Variants in WWC1 observed in about 807,000 individuals in gnomAD.
WWC1 encodes protein KIBRA.
In WWC1, 55 loss-of-function variants were observed where a neutral mutation model predicts 138.4. The ratio of observed to expected loss-of-function variants is 0.40; its 90% CI spans 0.32 to 0.50. WWC1 has a LOEUF of 0.50. WWC1 is among the 20% of genes least tolerant of loss of function. The pLI, the probability that WWC1 is intolerant of heterozygous loss-of-function variation, is 0.72. For synonymous variants in WWC1, 524 were observed against 564.9 expected (o/e 0.93, Z 1.03); for missense variants, 1,226 against 1,420.4 (o/e 0.86, Z 2.20).
chr5:168,448,118 C>T (rs1317233852), intron 17 of WWC1, among the ~76,000 whole-genome samples: 4 of 152,162 alleles, frequency 2.6e-5, no homozygotes, highest in Non-Finnish European at 5.9e-5. Flanking sequence ...TTCCCCCAGA[C>T]GCTGTCTTAC....
At position 168,430,142 on chromosome 5, in the gene WWC1, A is replaced by G; in HGVS notation, c.2006A>G (p.Asp669Gly). Residue 669 changes from aspartate to glycine, a missense_variant, in exon 14 of 23, where the codon GAT becomes GGT. This residue lies in a region of WWC1 where 1,016 missense variants were observed against 1,153.9 expected (regional missense o/e 0.88). Coordinates refer to ENST00000265293, the MANE Select transcript of WWC1 (RefSeq NM_015238.3). ...ATRIQIALKY[D>G]EKNKQFAILI... ...TATGCCCCTTTTCATTTCAGGTATGATGAGAAGAATAAGCAATTTGCAATA... is the reference window on the plus strand; with the variant it reads ...TATGCCCCTTTTCATTTCAGGTATGGTGAGAAGAATAAGCAATTTGCAATA... 6.2e-7 allele frequency: 1 copy of G among 1,613,300 alleles called. No homozygotes were observed. Among genetic ancestry groups the G allele is most frequent in the Non-Finnish European group, 8.5e-7 (1 of 1,179,314 alleles).
At chr5:168,378,284 G>C (rs982797392) in intron 2 of WWC1, among the ~76,000 whole-genome samples, 2 of 152,124 alleles carry the variant, frequency 1.3e-5, no homozygotes, top group African/African-American at 4.8e-5. Context: ...GGGGCTACTA[G>C]AGAGGGTAGG....
At chr5:168,389,891 C>T (rs146069027) in intron 3 of WWC1, among the ~76,000 whole-genome samples, 147 of 152,178 alleles carry the variant, frequency 9.7e-4, no homozygotes, top group African/African-American at 3.2e-3. Flanking sequence ...GTTGTGATAA[C>T]GAAAAATGTC....
In WWC1 at chr5:168,430,258, C is replaced by G. The variant is rs774359071; in HGVS notation, c.2087+35C>G. 61 of 1,583,490 alleles carry G rather than the reference C, an allele frequency of 3.9e-5. 1 individual carries two copies. In the Admixed American group the frequency reaches 8.7e-4, roughly 23 times the overall value. Reference sequence around the variant, plus strand: ...TAGCTGGACAGGTGTATTTCATACCCTAACCCTCTGGAGTTACCCCTGGGG... The same window carrying G: ...TAGCTGGACAGGTGTATTTCATACCGTAACCCTCTGGAGTTACCCCTGGGG... On this transcript the variant is annotated intron_variant, in intron 14 of 22. Transcript: ENST00000265293.
chr5:168,298,747 A>G (rs555244724), intron 1 of WWC1, among the ~76,000 whole-genome samples: 3 of 152,154 alleles, frequency 2.0e-5, no homozygotes, highest in Admixed American at 6.6e-5. Context: ...TTCAACAGCC[A>G]TATGGGGTAA....
At chr5:168,362,023 C>A (rs1582037536) in intron 1 of WWC1, among the ~76,000 whole-genome samples, 2 of 152,162 alleles carry the variant, frequency 1.3e-5, no homozygotes, top group African/African-American at 4.8e-5. Context: ...GCAGAGGTTG[C>A]AGTGAGCCTA....
intron 2 of WWC1, among the ~76,000 whole-genome samples, 181 bp downstream of exon 2, chr5:168,371,714 AAAAT>A (rs1346237244): frequency 6.6e-6 from 1 of 152,152 alleles, no homozygotes; most frequent in Non-Finnish European, 1.5e-5. Context: ...TGCTTGTGTA[AAAAT>A]AACAGTTTAG....
chr5:168,414,620 C>T, intron 9 of WWC1, 30 bp downstream of exon 9: 3 of 1,529,396 alleles, frequency 2.0e-6, no homozygotes, highest in Non-Finnish European at 1.8e-6. Context: ...GTGTGTAGGA[C>T]CCTTCTCTCA....
chr5:168,336,819 T>C (rs1403837512), intron 1 of WWC1, among the ~76,000 whole-genome samples: 1 of 152,208 alleles, frequency 6.6e-6, no homozygotes, highest in Non-Finnish European at 1.5e-5. Context: ...TTGGAATCAC[T>C]GCACCTGTGG....
chr5:168,341,557 TCATTTTCAA>T (rs1774037395), intron 1 of WWC1, among the ~76,000 whole-genome samples: 1 of 152,148 alleles, frequency 6.6e-6, no homozygotes, highest in Non-Finnish European at 1.5e-5. Flanking sequence ...TCCCTGCCTC[TCATTTTCAA>T]CATCAAAAGG....
intron 1 of WWC1, among the ~76,000 whole-genome samples, chr5:168,365,868 C>G (rs1776252649): frequency 6.6e-6 from 1 of 152,214 alleles, no homozygotes; most frequent in Non-Finnish European, 1.5e-5. Flanking sequence ...CTTGCCCCTC[C>G]AGCATCTGGG....
At chr5:168,293,077 G>A (rs184298806) in intron 1 of WWC1, among the ~76,000 whole-genome samples, 54 of 152,352 alleles carry the variant, frequency 3.5e-4, no homozygotes, top group Non-Finnish European at 7.1e-4. Context: ...TGACCTTGGT[G>A]GGTACCAGGC....
intron 1 of WWC1, among the ~76,000 whole-genome samples, chr5:168,331,737 G>A (rs1269203610): frequency 1.3e-5 from 2 of 152,200 alleles, no homozygotes; most frequent in Non-Finnish European, 2.9e-5. Flanking sequence ...TTGCAAACAG[G>A]TCTTTGTTCT....
chr5:168,391,042 A>G (rs992775037), intron 3 of WWC1, among the ~76,000 whole-genome samples: 4 of 152,212 alleles, frequency 2.6e-5, no homozygotes, highest in Non-Finnish European at 5.9e-5. Flanking sequence ...GATATATCTG[A>G]TCTCAAAATC....
intron 1 of WWC1, among the ~76,000 whole-genome samples, chr5:168,368,247 C>T (rs1354209246): frequency 6.6e-6 from 1 of 152,094 alleles, no homozygotes; most frequent in Non-Finnish European, 1.5e-5. Context: ...TAAGCCACCA[C>T]ACCTGGCCAG....
In WWC1 at chr5:168,467,810, C is replaced by T. The variant is rs183852538; in HGVS notation, c.3151-30C>T. ...TGCCCCTTTCTGGAGGCCCCCTCCACTGACTCAGGGCCTTGCTTGCTTTGC... is the reference window on the plus strand; with the variant it reads ...TGCCCCTTTCTGGAGGCCCCCTCCATTGACTCAGGGCCTTGCTTGCTTTGC... On this transcript the variant is annotated intron_variant, in intron 21 of 22. Coordinates refer to ENST00000265293, the MANE Select transcript of WWC1 (RefSeq NM_015238.3). The T allele has an allele frequency of 7.5e-4, 1,213 of 1,613,850 alleles. 5 individuals are homozygous for T. The highest frequency in any genetic ancestry group is 1.3e-3 in the South Asian group (119 of 91,044).
intron 1 of WWC1, among the ~76,000 whole-genome samples, chr5:168,320,956 A>C (rs552193842): frequency 6.6e-6 from 1 of 152,322 alleles, no homozygotes; most frequent in South Asian, 2.1e-4. Flanking sequence ...TCAGCCAGTA[A>C]CGATTAGAGC....
chr5:168,442,251 G>A (rs897615154), intron 16 of WWC1, among the ~76,000 whole-genome samples: 1 of 152,038 alleles, frequency 6.6e-6, no homozygotes, highest in African/African-American at 2.4e-5. Context: ...CAGAGGGCTA[G>A]GTCAGTCATA....
At chr5:168,320,330 T>C (rs1193661618) in intron 1 of WWC1, among the ~76,000 whole-genome samples, 1 of 152,194 alleles carries the variant, frequency 6.6e-6, no homozygotes, top group Non-Finnish European at 1.5e-5. Flanking sequence ...CCACTGAACC[T>C]GGCCCATATG....
Sources: allele counts gnomAD v4.1 joint callset (sites outside exome capture counted in the v4.1 genomes callset), GRCh38; gene constraint gnomAD v4.1.1; regional missense constraint gnomAD v4.1.1; transcripts MANE v1.5; gene names NCBI Gene and HGNC (gene_info 2026-07-23, HGNC 2026-07-21).